Variants in BTBD8 observed in about 807,000 individuals in gnomAD.
The protein encoded by BTBD8 is BTB domain containing 8.
Under a neutral mutation model 162.9 loss-of-function variants are expected in BTBD8, and 110 were observed. The observed-to-expected ratio is 0.68, with a 90% CI of 0.58 to 0.79. The LOEUF is 0.79. Ranked by LOEUF, BTBD8 falls within the 30% of genes least tolerant of loss-of-function variation. BTBD8 has a pLI of 0.00. For synonymous variants in BTBD8, 667 were observed against 716.1 expected (o/e 0.93, Z 1.10); for missense variants, 1,905 against 2,085.4 (o/e 0.91, Z 1.68).
At chr1:92,128,588 A>ATT (rs34018838) in intron 4 of BTBD8, among the ~76,000 whole-genome samples, 5 of 139,058 alleles carry the variant, frequency 3.6e-5, no homozygotes, top group East Asian at 2.1e-4. Flanking sequence ...ATTTTTTTGT[A>ATT]TTTTTTTTTT....
chr1:92,142,044 C>G (rs912486738), intron 7 of BTBD8, among the ~76,000 whole-genome samples: 2 of 152,172 alleles, frequency 1.3e-5, no homozygotes, highest in African/African-American at 4.8e-5. Flanking sequence ...AGAAGCAGCC[C>G]ATGTGCTAAA....
At chr1:92,136,180 C>G (rs1445235337) in intron 5 of BTBD8, among the ~76,000 whole-genome samples, 1 of 151,968 alleles carries the variant, frequency 6.6e-6, no homozygotes, top group Non-Finnish European at 1.5e-5. Flanking sequence ...ATTTAGTCTC[C>G]CTCTGAAGGT....
intron 3 of BTBD8, among the ~76,000 whole-genome samples, chr1:92,105,934 A>G (rs1570721190): frequency 6.6e-6 from 1 of 152,234 alleles, no homozygotes; most frequent in African/African-American, 2.4e-5. Flanking sequence ...GGCTGCTTAT[A>G]ATTGGCTGAG....
intron 9 of BTBD8, among the ~76,000 whole-genome samples, chr1:92,164,303 A>G (rs372677626): frequency 1.3e-5 from 2 of 152,100 alleles, no homozygotes; most frequent in African/African-American, 4.8e-5. Flanking sequence ...CCTGGATAAC[A>G]TGGCAAGACT....
Position 92,102,577 on chromosome 1 carries a change from T to G in BTBD8, c.452T>G (p.Phe151Cys), listed in dbSNP as rs533608906. The G allele has an allele frequency of 1.1e-5, 18 of 1,599,352 alleles. No homozygotes were observed. The African/African-American group carries it at 2.3e-4, about 20-fold the overall frequency. ...GISQKQLDIS[F>C]PKCENSSDCS... ...TCACAAAAGCAACTTGACATCAGTT[T>G]TCCAAAGTGTGAAAACTCATCTGAT... Residue 151 changes from phenylalanine to cysteine, a missense_variant, in exon 3 of 18, where the codon TTT becomes TGT. Coordinates refer to ENST00000636805, the MANE Select transcript of BTBD8 (RefSeq NM_001376131.1).
At chr1:92,148,598 AT>A (rs1649980337) in intron 9 of BTBD8, among the ~76,000 whole-genome samples, 1 of 152,190 alleles carries the variant, frequency 6.6e-6, no homozygotes, top group East Asian at 1.9e-4. Context: ...TCTAGCCAGG[AT>A]TTATGGGCCT....
Position 92,182,077 on chromosome 1 carries a change from CT to C in BTBD8, c.4399del (p.Ser1467HisfsTer31). On this transcript the variant is annotated frameshift_variant, in exon 17 of 18. Coordinates refer to ENST00000636805, the MANE Select transcript of BTBD8 (RefSeq NM_001376131.1). LOFTEE classifies it high-confidence loss of function. ...ACTCCCTTTCAGGCTTCTGTAGATT[CT>C]TTTTCACCTTCTGATGTTTTTGATG... is the stretch of plus-strand genomic sequence containing the variant. ...VHTPFQASVD[S>X]FSPSDVFDGI... 6.4e-7 allele frequency: 1 copy of C among 1,551,478 alleles called. No homozygotes were observed. Among genetic ancestry groups the C allele is most frequent in the Non-Finnish European group, 8.7e-7 (1 of 1,146,928 alleles).
chr1:92,178,057 T>G (rs1650773209), intron 15 of BTBD8, among the ~76,000 whole-genome samples, 159 bp downstream of exon 15: 1 of 152,118 alleles, frequency 6.6e-6, no homozygotes, highest in Non-Finnish European at 1.5e-5. Flanking sequence ...AAGAAATTAG[T>G]ATATGCAAAA....
intron 4 of BTBD8, chr1:92,115,040 A>G (rs1279400947): frequency 4.2e-5 from 15 of 355,336 alleles, no homozygotes; most frequent in Admixed American, 2.5e-4. Context: ...TGATGTCATC[A>G]TATTTGGCTG....
At chr1:92,163,487 A>G (rs932591724) in intron 9 of BTBD8, among the ~76,000 whole-genome samples, 1 of 151,814 alleles carries the variant, frequency 6.6e-6, no homozygotes, top group African/African-American at 2.4e-5. Context: ...TGGAAAGATA[A>G]GGGAAAAAAT....
intron 2 of BTBD8, among the ~76,000 whole-genome samples, chr1:92,089,129 A>G (rs1648233313): frequency 6.6e-6 from 1 of 152,140 alleles, no homozygotes; most frequent in African/African-American, 2.4e-5. Flanking sequence ...TAGTACTGGT[A>G]GAGGCTAAGC....
chr1:92,091,066 T>C (rs999934385), intron 2 of BTBD8, among the ~76,000 whole-genome samples: 4 of 152,216 alleles, frequency 2.6e-5, no homozygotes, highest in Non-Finnish European at 5.9e-5. Flanking sequence ...TGGTTTGGAT[T>C]TGTGTCTCCA....
rs1260022523 is a variant in BTBD8, at chr1:92,118,791, TTTTC to T, written c.662+10802_662+10805del. 1.9e-3 allele frequency among the ~76,000 whole-genome samples: 230 copies of T among 122,756 alleles called. 3 individuals carry two copies. Among genetic ancestry groups the T allele is most frequent in the African/African-American group, 6.2e-3 (174 of 28,274 alleles). The allele number at this position is 122,756 out of a possible 152,430, so 80.5% of individuals were successfully genotyped here. A position where few individuals can be genotyped will look rare whatever the true frequency, so the allele number is the denominator to read the frequency against. On this transcript the variant is annotated intron_variant, in intron 4 of 17. Coordinates refer to ENST00000636805, the MANE Select transcript of BTBD8 (RefSeq NM_001376131.1). The stretch of plus-strand genomic sequence containing the variant: ...TTTGTACTTTAGCTTATAATTTGGC[TTTTC>T]TTTCTTTCTTTTTTTTTTTTTTTTT...
chr1:92,081,551 A>T (rs1263139108), intron 1 of BTBD8, among the ~76,000 whole-genome samples: 1 of 152,170 alleles, frequency 6.6e-6, no homozygotes, highest in Non-Finnish European at 1.5e-5. Context: ...CATAATTACT[A>T]ATAATTAAAA....
At chr1:92,160,210 T>A (rs1016853169) in intron 9 of BTBD8, among the ~76,000 whole-genome samples, 5 of 152,128 alleles carry the variant, frequency 3.3e-5, no homozygotes, top group Non-Finnish European at 7.3e-5. Context: ...CCATGATTTC[T>A]GTTTGGCACT....
At position 92,177,521 on chromosome 1, in the gene BTBD8, A is replaced by G; in HGVS notation, c.2328A>G (p.Val776=). 1 of 1,540,396 alleles carries G rather than the reference A, an allele frequency of 6.5e-7. No individual in the cohort carries two copies. The highest frequency in any genetic ancestry group is 1.2e-5 in the South Asian group (1 of 82,890). ...CAGGACAGATGATGAAAAACAGTGTAGATAGTGTCAAAAATTCCACTGTAG... is the reference window on the plus strand; with the variant it reads ...CAGGACAGATGATGAAAAACAGTGTGGATAGTGTCAAAAATTCCACTGTAG... ...DSPGQMMKNS[V]DSVKNSTVAI... The change falls in exon 14 of 18, where the codon GTA becomes GTG. Residue 776 remains valine (V), a synonymous_variant. Coordinates refer to ENST00000636805, the MANE Select transcript of BTBD8 (RefSeq NM_001376131.1).
At chr1:92,178,554 G>T in intron 16 of BTBD8, 103 bp downstream of exon 16, 1 of 867,202 alleles carries the variant, frequency 1.2e-6, no homozygotes, top group South Asian at 2.0e-5. Flanking sequence ...GCAAAATATG[G>T]TTTTACTCAT....
intron 9 of BTBD8, 94 bp from the exon 10 acceptor site, chr1:92,166,864 A>G: frequency 7.8e-7 from 1 of 1,282,370 alleles, no homozygotes; most frequent in East Asian, 2.6e-5. Context: ...TTTGCAGGAA[A>G]CATCCCATAA....
chr1:92,104,637 A>C (rs1648677179), intron 3 of BTBD8, among the ~76,000 whole-genome samples: 1 of 152,222 alleles, frequency 6.6e-6, no homozygotes, highest in South Asian at 2.1e-4. Flanking sequence ...TGTTTTCTCC[A>C]TCACTCCATG....
Sources: allele counts gnomAD v4.1 joint callset (sites outside exome capture counted in the v4.1 genomes callset), GRCh38; gene constraint gnomAD v4.1.1; transcripts MANE v1.5; gene names NCBI Gene and HGNC (gene_info 2026-07-23, HGNC 2026-07-21).